KCNIP4: variants seen among roughly 807,000 people sequenced by gnomAD.
The protein encoded by KCNIP4 is Kv channel-interacting protein 4.
KCNIP4 carries 12 observed loss-of-function variants against 34.0 expected under a neutral mutation model. That is an observed-to-expected ratio of 0.35 (90% CI 0.23 to 0.57). The LOEUF is 0.57. KCNIP4 is among the 20% of genes least tolerant of loss of function. The pLI is 0.83. For missense variants in KCNIP4, 238 were observed against 311.7 expected (o/e 0.76, Z 1.78); for synonymous variants, 124 against 102.2 (o/e 1.21, Z -1.29).
At chr4:21,859,255 C>G (rs1000277569) in intron 1 of KCNIP4, among the ~76,000 whole-genome samples, 1 of 152,044 alleles carries the variant, frequency 6.6e-6, no homozygotes, top group Non-Finnish European at 1.5e-5. Context: ...GCAGAATGGT[C>G]GAGAGAGACA....
At chr4:21,011,987 T>C (rs929639450) in intron 1 of KCNIP4, among the ~76,000 whole-genome samples, 1 of 152,244 alleles carries the variant, frequency 6.6e-6, no homozygotes, top group Admixed American at 6.5e-5. Context: ...GTAGTTTCGA[T>C]GTTTGGAGTC....
intron 1 of KCNIP4, among the ~76,000 whole-genome samples, chr4:21,588,188 T>G (rs570632436): frequency 6.6e-6 from 1 of 152,074 alleles, no homozygotes; most frequent in Non-Finnish European, 1.5e-5. Flanking sequence ...ATTTTTCTTT[T>G]AAGATATAAA....
At chr4:20,768,303 C>T (rs1755592079) in intron 3 of KCNIP4, among the ~76,000 whole-genome samples, 1 of 152,130 alleles carries the variant, frequency 6.6e-6, no homozygotes, top group African/African-American at 2.4e-5. Context: ...TTTTAGAACT[C>T]CTAAGACCAA....
intron 3 of KCNIP4, among the ~76,000 whole-genome samples, chr4:20,772,913 C>T (rs1004494186): frequency 6.6e-6 from 1 of 151,958 alleles, no homozygotes; most frequent in East Asian, 1.9e-4. Context: ...GCATTACAGG[C>T]GTCAGCCACC....
intron 1 of KCNIP4, among the ~76,000 whole-genome samples, chr4:21,466,362 A>G (rs1729940398): frequency 6.6e-6 from 1 of 152,152 alleles, no homozygotes; most frequent in Non-Finnish European, 1.5e-5. Context: ...TGGCCCCCTA[A>G]TCTAGGCCAG....
At chr4:21,566,915 A>T (rs80009073) in intron 1 of KCNIP4, among the ~76,000 whole-genome samples, 484 of 152,260 alleles carry the variant, frequency 3.2e-3, no homozygotes, top group Non-Finnish European at 6.1e-3. Flanking sequence ...TGCAAAAGGT[A>T]ACACATCAAA....
At chr4:20,871,817 T>A (rs1229952123) in intron 2 of KCNIP4, among the ~76,000 whole-genome samples, 2 of 152,150 alleles carry the variant, frequency 1.3e-5, no homozygotes, top group Non-Finnish European at 2.9e-5. Context: ...CAAATAATGA[T>A]GCCTAAACTC....
intron 1 of KCNIP4, among the ~76,000 whole-genome samples, chr4:20,962,114 T>C (rs1437045758): frequency 6.6e-6 from 1 of 152,186 alleles, no homozygotes; most frequent in Non-Finnish European, 1.5e-5. Flanking sequence ...TCAATTTCTT[T>C]CCTGCTTTGC....
At chr4:21,824,903 T>G (rs1270358691) in intron 1 of KCNIP4, among the ~76,000 whole-genome samples, 3 of 152,156 alleles carry the variant, frequency 2.0e-5, no homozygotes, top group Non-Finnish European at 4.4e-5. Context: ...ACTAGCTGAC[T>G]GCTAGTGAGG....
At chr4:21,386,289 A>G (rs2109495104) in intron 1 of KCNIP4, among the ~76,000 whole-genome samples, 1 of 152,252 alleles carries the variant, frequency 6.6e-6, no homozygotes, top group African/African-American at 2.4e-5. Flanking sequence ...TTCCTCAAAT[A>G]GTATATAAGA....
chr4:21,842,015 T>C (rs951095651), intron 1 of KCNIP4, among the ~76,000 whole-genome samples: 5 of 152,124 alleles, frequency 3.3e-5, no homozygotes, highest in East Asian at 1.9e-4. Context: ...CCCTCAGAAA[T>C]TGATGACAAT....
At chr4:20,932,791 T>C (rs1230907025) in intron 1 of KCNIP4, among the ~76,000 whole-genome samples, 1 of 152,178 alleles carries the variant, frequency 6.6e-6, no homozygotes, top group African/African-American at 2.4e-5. Context: ...TGCTATAATA[T>C]ACATTAATAT....
chr4:21,890,010 C>T (rs1180430775), intron 1 of KCNIP4, among the ~76,000 whole-genome samples: 1 of 151,972 alleles, frequency 6.6e-6, no homozygotes, highest in Non-Finnish European at 1.5e-5. Context: ...GTGGTATTGG[C>T]GATGGAATTC....
At chr4:20,928,805 CG>C (rs1257054991) in intron 1 of KCNIP4, among the ~76,000 whole-genome samples, 1 of 151,690 alleles carries the variant, frequency 6.6e-6, no homozygotes, top group Non-Finnish European at 1.5e-5. Context: ...ATGATTATAA[CG>C]GGCTATTATA....
chr4:21,193,814 A>G (rs12641074), intron 1 of KCNIP4, among the ~76,000 whole-genome samples: 66,722 of 151,736 alleles, frequency 0.44, 17,023 homozygotes, highest in African/African-American at 0.72. Context: ...CTCGTGATCC[A>G]CCCACCTCGG....
chr4:21,642,649 G>A (rs539075421), intron 1 of KCNIP4, among the ~76,000 whole-genome samples: 1 of 152,104 alleles, frequency 6.6e-6, no homozygotes, highest in Admixed American at 6.5e-5. Flanking sequence ...AGAAGTCTTA[G>A]TTCCAAAGAG....
At chr4:21,745,111 A>G (rs1716685645) in intron 1 of KCNIP4, among the ~76,000 whole-genome samples, 1 of 152,176 alleles carries the variant, frequency 6.6e-6, no homozygotes, top group Non-Finnish European at 1.5e-5. Context: ...TGGAAAAGAC[A>G]GACATGTCTA....
intron 1 of KCNIP4, among the ~76,000 whole-genome samples, chr4:21,093,769 T>C (rs1747207669): frequency 6.6e-6 from 1 of 152,040 alleles, no homozygotes; most frequent in Admixed American, 6.6e-5. Context: ...TAGGGTATAA[T>C]GGATATTACA....
rs1461058073 is a variant in KCNIP4, at chr4:21,234,425, ATT to A, written c.62-351718_62-351717del. 2.2e-4 allele frequency among the ~76,000 whole-genome samples: 29 copies of A among 132,098 alleles called. 4 individuals carry two copies. The highest frequency in any genetic ancestry group is 2.4e-4 in the African/African-American group (8 of 33,930). The allele number at this position is 132,098 out of a possible 152,430, so 86.7% of individuals were successfully genotyped here. A position where few individuals can be genotyped will look rare whatever the true frequency, so the allele number is the denominator to read the frequency against. On this transcript the variant is annotated intron_variant, in intron 1 of 8. Coordinates refer to ENST00000382152, the MANE Select transcript of KCNIP4 (RefSeq NM_025221.6). ...ATATTATATAACATATACTATATAT[ATT>A]ACATATAACGTATATAATATATATT...
Sources: gnomAD v4.1 joint callset for allele counts (sites outside exome capture counted in the v4.1 genomes callset) on GRCh38, gnomAD v4.1.1 for gene constraint, MANE v1.5 for transcripts, NCBI Gene and HGNC (gene_info 2026-07-23, HGNC 2026-07-21) for gene names.